The following AMACR variants were observed in gnomAD, a reference collection of about 807,000 sequenced individuals.
AMACR encodes 2-methylacyl-CoA racemase.
AMACR carries 18 observed loss-of-function variants against 22.2 expected under a neutral mutation model. The ratio of observed to expected loss-of-function variants is 0.81; its 90% CI spans 0.56 to 1.20. The LOEUF is 1.20. AMACR is among the 50% of genes most tolerant of loss of function. The pLI is 0.00. For missense variants in AMACR, 499 were observed against 490.6 expected, an observed-to-expected ratio of 1.02 and a Z score of -0.16; for synonymous variants, 213 against 191.3, an observed-to-expected ratio of 1.11 and a Z score of -0.94.
At chr5:33,998,060 C>T (rs930449630) in intron 4 of AMACR, among the ~76,000 whole-genome samples, 15 of 152,164 alleles carry the variant, frequency 9.9e-5, no homozygotes, top group Non-Finnish European at 1.5e-4. Context: ...AGGAACAAAA[C>T]GACTCCCATC....
chr5:33,995,097 T>C (rs1753597353), intron 4 of AMACR, among the ~76,000 whole-genome samples: 1 of 152,206 alleles, frequency 6.6e-6, no homozygotes, highest in African/African-American at 2.4e-5. Context: ...TGATGCATGA[T>C]GAAACCTCAC....
At chr5:33,993,928 G>A (rs1223748490) in intron 4 of AMACR, 1 of 371,858 alleles carries the variant, frequency 2.7e-6, no homozygotes, top group African/African-American at 2.1e-5. Context: ...AACAGCTTTT[G>A]AAAATTATCT....
At chr5:33,991,881 GT>G (rs1277392732) in intron 4 of AMACR, among the ~76,000 whole-genome samples, 10 of 151,760 alleles carry the variant, frequency 6.6e-5, no homozygotes, top group African/African-American at 2.4e-4. Context: ...TTATTTATTT[GT>G]TTACTTATTT....
At chr5:33,993,578 A>G (rs1341009765) in intron 4 of AMACR, among the ~76,000 whole-genome samples, 1 of 152,058 alleles carries the variant, frequency 6.6e-6, no homozygotes, top group East Asian at 1.9e-4. Flanking sequence ...CCTTGCCAAC[A>G]CTTGTTATTT....
chr5:33,994,097 A>G (rs752986843), intron 4 of AMACR: 1 of 455,902 alleles, frequency 2.2e-6, no homozygotes. Flanking sequence ...CTGAAGATAC[A>G]GATTAAAGTA....
At chr5:33,989,546 A>T (rs1214051926) in intron 4 of AMACR, 44 bp from the exon 5 acceptor site, 1 of 1,497,838 alleles carries the variant, frequency 6.7e-7, no homozygotes, top group African/African-American at 1.4e-5. Context: ...CTTTGAACAG[A>T]GCAATTATAA....
intron 3 of AMACR, among the ~76,000 whole-genome samples, chr5:34,001,559 G>A (rs1290412532): frequency 6.6e-6 from 1 of 152,194 alleles, no homozygotes; most frequent in Non-Finnish European, 1.5e-5. Context: ...GAAACCTTTA[G>A]GTGGAACTTA....
At chr5:34,006,018 G>A (rs1445367950) in intron 1 of AMACR, 119 bp from the exon 2 acceptor site, 2 of 1,209,340 alleles carry the variant, frequency 1.7e-6, no homozygotes, top group African/African-American at 3.0e-5. Context: ...ATTTGCTGTA[G>A]GCTAATGGCA....
At position 33,988,573 on chromosome 5, in the gene AMACR, A is replaced by T; in HGVS notation, c.*520T>A. On this transcript the variant is annotated 3_prime_UTR_variant, in exon 5 of 5. Coordinates refer to ENST00000335606, the MANE Select transcript of AMACR (RefSeq NM_014324.6). ...AATACAGGTGAAACTTTTCTTTGCA[A>T]ATTACAAAGTGTGATAACTGTTGCT... 1 of 1,352,398 alleles carries T rather than the reference A, an allele frequency of 7.4e-7. No homozygotes were observed. The highest frequency in any genetic ancestry group is 1.9e-5 in the South Asian group (1 of 52,218). 83.8% of individuals were successfully genotyped at this position (1,352,398 alleles called of 1,614,324 possible).
rs200230503 is a variant in AMACR at position 34,008,037 on chromosome 5, C to G, written c.-18G>C. 1.2e-6 allele frequency: 2 copies of G among 1,608,542 alleles called. No homozygotes were observed. The highest frequency in any genetic ancestry group is 1.7e-5 in the Admixed American group (1 of 59,968). ...AGTGCCATGGCGCTTCCCAGTGCCC[C>G]GCTGAAGGAAACTGAGCAGCCCTTA... On this transcript the variant is annotated 5_prime_UTR_variant, in exon 1 of 5. Transcript: ENST00000335606.
At chr5:33,994,096 C>T (rs1273152011) in intron 4 of AMACR, 1 of 455,678 alleles carries the variant, frequency 2.2e-6, no homozygotes. Flanking sequence ...ACTGAAGATA[C>T]AGATTAAAGT....
intron 1 of AMACR, 60 bp from the exon 2 acceptor site, chr5:34,005,959 T>G: frequency 1.3e-6 from 2 of 1,585,672 alleles, no homozygotes; most frequent in Admixed American, 3.3e-5. Flanking sequence ...AGATAATCCC[T>G]TCTCTGAGAC....
Position 33,988,697 on chromosome 5 carries a change from A to G in AMACR, c.*396T>C, listed in dbSNP as rs1753375557. On this transcript the variant is annotated 3_prime_UTR_variant, in exon 5 of 5. Transcript: ENST00000335606. ...TTCACGTGACTTTTATCACCATACA[A>G]TTTGTGGCATTTCCTCATTTTCTAC... 6 of 1,205,274 alleles carry G rather than the reference A, an allele frequency of 5.0e-6. No individual in the cohort carries two copies. The highest frequency in any genetic ancestry group is 6.2e-6 in the Non-Finnish European group (6 of 967,008). 74.7% of individuals were successfully genotyped at this position (1,205,274 alleles called of 1,614,324 possible). A position where few individuals can be genotyped will look rare whatever the true frequency, so the allele number is the denominator to read the frequency against.
chr5:34,002,916 T>C (rs542027293), intron 3 of AMACR, among the ~76,000 whole-genome samples: 1 of 152,300 alleles, frequency 6.6e-6, no homozygotes, highest in South Asian at 2.1e-4. Context: ...AGTACAGGGC[T>C]GGTCATGATT....
In AMACR at chr5:33,988,407, G is replaced by C. The variant is rs1276684339; in HGVS notation, c.*686C>G. 18 of 1,536,890 alleles carry C rather than the reference G, an allele frequency of 1.2e-5. No individual in the cohort carries two copies. In the African/African-American group the frequency reaches 2.1e-4, roughly 18 times the overall value. On this transcript the variant is annotated 3_prime_UTR_variant, in exon 5 of 5. Coordinates refer to ENST00000335606, the MANE Select transcript of AMACR (RefSeq NM_014324.6). The stretch of plus-strand genomic sequence containing the variant: ...TGGAGAAAGGAAAGCTGACAGCCCA[G>C]AGACCCACGGGGAAACAGGCCCCGA...
chr5:34,002,217 G>A (rs988414517), intron 3 of AMACR, among the ~76,000 whole-genome samples: 1 of 151,986 alleles, frequency 6.6e-6, no homozygotes, highest in African/African-American at 2.4e-5. Context: ...GGCTGGTCTC[G>A]AACTCCTGAC....
chr5:33,993,821 T>A (rs1753556430), intron 4 of AMACR: 1 of 224,014 alleles, frequency 4.5e-6, no homozygotes. Context: ...ATCACTTGAA[T>A]CCAAGAGGCA....
chr5:34,000,682 T>C (rs1229545567), intron 3 of AMACR, among the ~76,000 whole-genome samples: 1 of 152,146 alleles, frequency 6.6e-6, no homozygotes, highest in Non-Finnish European at 1.5e-5. Context: ...AAACTATGGA[T>C]ATTTTTAACT....
chr5:34,000,147 G>C (rs1753771699), intron 3 of AMACR, among the ~76,000 whole-genome samples: 1 of 152,132 alleles, frequency 6.6e-6, no homozygotes, highest in African/African-American at 2.4e-5. Flanking sequence ...GAAAACCTTT[G>C]TTCTGCATGG....
Sources: allele counts gnomAD v4.1 joint callset (sites outside exome capture counted in the v4.1 genomes callset), GRCh38; gene constraint gnomAD v4.1.1; transcripts MANE v1.5; gene names NCBI Gene and HGNC (gene_info 2026-07-23, HGNC 2026-07-21).